The following CDH8 variants were observed in gnomAD, a reference collection of about 807,000 sequenced individuals.
CDH8 encodes cadherin 8.
Under a neutral mutation model 68.1 loss-of-function variants are expected in CDH8, and 17 were observed. The ratio of observed to expected loss-of-function variants is 0.25; its 90% CI spans 0.17 to 0.37. CDH8 has a LOEUF of 0.37. Ranked by LOEUF, CDH8 falls within the 10% of genes least tolerant of loss-of-function variation. The probability of loss-of-function intolerance (pLI) is 1.00; values close to 1 mark genes in which losing one functional copy is unlikely to be tolerated. For synonymous variants in CDH8, 372 were observed against 365.1 expected, an observed-to-expected ratio of 1.02 and a Z score of -0.21; for missense variants, 763 against 999.3, an observed-to-expected ratio of 0.76 and a Z score of 3.19.
At chr16:61,866,708 A>G (rs1381702931) in intron 3 of CDH8, among the ~76,000 whole-genome samples, 2 of 152,118 alleles carry the variant, frequency 1.3e-5, no homozygotes, top group South Asian at 2.1e-4. Context: ...TTTTACATCA[A>G]TAAGACTCCA....
intron 4 of CDH8, among the ~76,000 whole-genome samples, chr16:61,845,096 CA>C (rs1477250946): frequency 6.6e-6 from 1 of 152,110 alleles, no homozygotes; most frequent in Non-Finnish European, 1.5e-5. Flanking sequence ...CCAGCTATCT[CA>C]ATTACCAAAT....
intron 9 of CDH8, among the ~76,000 whole-genome samples, chr16:61,723,846 C>G (rs1959263977): frequency 6.6e-6 from 1 of 150,600 alleles, no homozygotes; most frequent in African/African-American, 2.4e-5. Context: ...GTTTAACCCT[C>G]CTGTTAAACT....
intron 2 of CDH8, among the ~76,000 whole-genome samples, chr16:61,929,489 C>A (rs539616932): frequency 6.6e-6 from 1 of 152,132 alleles, no homozygotes; most frequent in Non-Finnish European, 1.5e-5. Flanking sequence ...TATGAAGAGA[C>A]CTATTATACT....
intron 2 of CDH8, among the ~76,000 whole-genome samples, chr16:61,979,049 T>G (rs981641273): frequency 2.7e-5 from 4 of 145,900 alleles, no homozygotes; most frequent in African/African-American, 1.0e-4. Context: ...AATTTGCTTC[T>G]AGAAAGAAAA....
intron 1 of CDH8, among the ~76,000 whole-genome samples, chr16:62,023,765 A>T (rs889417504): frequency 6.6e-6 from 1 of 152,162 alleles, no homozygotes; most frequent in Non-Finnish European, 1.5e-5. Context: ...ACACATGGGG[A>T]GATCCATTCT....
At chr16:61,766,422 G>C (rs1960592729) in intron 8 of CDH8, among the ~76,000 whole-genome samples, 1 of 151,922 alleles carries the variant, frequency 6.6e-6, no homozygotes, top group South Asian at 2.1e-4. Flanking sequence ...CTATATCCTA[G>C]CAACTGTGAA....
chr16:61,910,956 A>G (rs1449489069), intron 2 of CDH8, among the ~76,000 whole-genome samples: 1 of 152,218 alleles, frequency 6.6e-6, no homozygotes. Flanking sequence ...TTATTCACCC[A>G]TTCAATAAGC....
intron 2 of CDH8, among the ~76,000 whole-genome samples, chr16:61,957,543 T>C (rs919818976): frequency 1.7e-4 from 26 of 152,248 alleles, no homozygotes; most frequent in African/African-American, 4.6e-4. Context: ...GGATATAGGA[T>C]GGAAATGAAA....
intron 4 of CDH8, among the ~76,000 whole-genome samples, chr16:61,840,128 A>G (rs1308346970): frequency 6.6e-6 from 1 of 152,150 alleles, no homozygotes; most frequent in Non-Finnish European, 1.5e-5. Context: ...AAGAATATAT[A>G]AAAGTGATTT....
intron 2 of CDH8, among the ~76,000 whole-genome samples, chr16:61,944,409 C>A (rs750707879): frequency 6.6e-6 from 1 of 152,154 alleles, no homozygotes; most frequent in Non-Finnish European, 1.5e-5. Flanking sequence ...TTGTTCCCTT[C>A]TAAATACTGC....
chr16:61,757,466 C>T (rs1445023143), intron 8 of CDH8, among the ~76,000 whole-genome samples: 3 of 151,960 alleles, frequency 2.0e-5, no homozygotes, highest in Admixed American at 6.6e-5. Flanking sequence ...TAACTTAATG[C>T]TTTTGTGTGA....
chr16:61,736,368 A>T (rs1236561594), intron 8 of CDH8, among the ~76,000 whole-genome samples: 1 of 152,162 alleles, frequency 6.6e-6, no homozygotes, highest in Non-Finnish European at 1.5e-5. Flanking sequence ...GATATATATC[A>T]TGTGATCACT....
At chr16:61,847,359 T>G (rs892429773) in intron 4 of CDH8, among the ~76,000 whole-genome samples, 3 of 151,732 alleles carry the variant, frequency 2.0e-5, no homozygotes, top group African/African-American at 7.3e-5. Flanking sequence ...CCAGAGAAAA[T>G]TATTTCATAG....
intron 10 of CDH8, among the ~76,000 whole-genome samples, chr16:61,702,363 C>G (rs1964447347): frequency 6.7e-6 from 1 of 150,216 alleles, no homozygotes; most frequent in African/African-American, 2.5e-5. Flanking sequence ...CAGAGCGAGA[C>G]TCCGTCTCAA....
At chr16:61,659,710 T>C (rs1419297619) in intron 10 of CDH8, among the ~76,000 whole-genome samples, 1 of 152,116 alleles carries the variant, frequency 6.6e-6, no homozygotes, top group East Asian at 1.9e-4. Context: ...GGTTTAGCTG[T>C]CCCTCAGAGA....
chr16:61,719,895 T>C (rs1318920356), intron 9 of CDH8, among the ~76,000 whole-genome samples: 1 of 150,902 alleles, frequency 6.6e-6, no homozygotes, highest in Non-Finnish European at 1.5e-5. Flanking sequence ...TGGGGATTCA[T>C]ATGTATTTCT....
intron 3 of CDH8, among the ~76,000 whole-genome samples, chr16:61,894,315 G>A (rs1334110968): frequency 6.6e-6 from 1 of 152,146 alleles, no homozygotes; most frequent in East Asian, 1.9e-4. Flanking sequence ...AAGTGAAGAA[G>A]ACTGCAGAGC....
chr16:61,847,537 T>TA (rs2143010870), intron 4 of CDH8, among the ~76,000 whole-genome samples: 2 of 66,058 alleles, frequency 3.0e-5, no homozygotes, highest in South Asian at 5.1e-4. Flanking sequence ...TTCCAATCAT[T>TA]TTATATATAT....
chr16:61,652,070 A>G lies in CDH8; in HGVS notation c.*1538T>C. 1 of 888,002 alleles carries G rather than the reference A, an allele frequency of 1.1e-6. No individual in the cohort carries two copies. Among genetic ancestry groups the G allele is most frequent in the Non-Finnish European group, 1.3e-6 (1 of 741,154 alleles). 55.0% of individuals were successfully genotyped at this position (888,002 alleles called of 1,614,324 possible). A position where few individuals can be genotyped will look rare whatever the true frequency, so the allele number is the denominator to read the frequency against. On this transcript the variant is annotated 3_prime_UTR_variant, in exon 12 of 12. Coordinates refer to ENST00000577390, the MANE Select transcript of CDH8 (RefSeq NM_001796.5). ...CAATACAGGAGTTTCTCTGAATACA[A>G]TACATGGAGTGAATAAACAATATTG...
Sources: gnomAD v4.1 joint callset for allele counts (sites outside exome capture counted in the v4.1 genomes callset) on GRCh38, gnomAD v4.1.1 for gene constraint, MANE v1.5 for transcripts, NCBI Gene and HGNC (gene_info 2026-07-23, HGNC 2026-07-21) for gene names.